The following SAMD3 variants were observed in gnomAD, a reference collection of about 807,000 sequenced individuals.
The protein encoded by SAMD3 is sterile alpha motif domain containing 3.
In SAMD3, 63 loss-of-function variants were observed where a neutral mutation model predicts 58.5. The observed-to-expected ratio is 1.08, with a 90% confidence interval of 0.88 to 1.33. The LOEUF (loss-of-function observed/expected upper bound fraction) is 1.33. Ranked by LOEUF, SAMD3 falls within the 40% of genes most tolerant of loss-of-function variation. The probability of loss-of-function intolerance (pLI) is 0.00; values close to 1 mark genes in which losing one functional copy is unlikely to be tolerated. For synonymous variants in SAMD3, 220 were observed against 210.3 expected, an observed-to-expected ratio of 1.05 and a Z score of -0.40; for missense variants, 604 against 608.4, an observed-to-expected ratio of 0.99 and a Z score of 0.08.
At chr6:130,195,177 C>A (rs546916467) in intron 5 of SAMD3, among the ~76,000 whole-genome samples, 1 of 152,110 alleles carries the variant, frequency 6.6e-6, no homozygotes, top group Non-Finnish European at 1.5e-5. Context: ...CTGCCCTTCT[C>A]CCCAACCCAA....
At chr6:130,177,584 T>C (rs1562400634) in intron 7 of SAMD3, among the ~76,000 whole-genome samples, 1 of 152,186 alleles carries the variant, frequency 6.6e-6, no homozygotes, top group African/African-American at 2.4e-5. Context: ...CATGGAAGTG[T>C]CCTCTGGCTT....
chr6:130,309,351 G>A (rs962895203), intron 2 of SAMD3, among the ~76,000 whole-genome samples: 3 of 152,122 alleles, frequency 2.0e-5, no homozygotes, highest in Non-Finnish European at 2.9e-5. Flanking sequence ...TGTAAAATGG[G>A]TATAATAATA....
intron 1 of SAMD3, among the ~76,000 whole-genome samples, chr6:130,343,026 G>C (rs1777319838): frequency 6.6e-6 from 1 of 151,806 alleles, no homozygotes; most frequent in South Asian, 2.1e-4. Flanking sequence ...CTTTTTGGAA[G>C]TTTAGAGTGA....
At chr6:130,265,783 T>C (rs1211663449) in intron 2 of SAMD3, among the ~76,000 whole-genome samples, 1 of 151,712 alleles carries the variant, frequency 6.6e-6, no homozygotes, top group East Asian at 1.9e-4. Context: ...AAAAAAGAGG[T>C]GCCCAAATGA....
chr6:130,178,342 C>T (rs9492475), intron 7 of SAMD3, among the ~76,000 whole-genome samples: 8,601 of 150,202 alleles, frequency 0.057, 261 homozygotes, highest in Non-Finnish European at 0.072. Context: ...GCTGCAATGC[C>T]GTGTGATTGA....
chr6:130,301,024 G>A (rs1367921945), intron 2 of SAMD3, among the ~76,000 whole-genome samples: 4 of 151,936 alleles, frequency 2.6e-5, no homozygotes, highest in African/African-American at 7.3e-5. Context: ...CTGTGTCCAC[G>A]TGTTCTCACT....
At chr6:130,364,813 C>A (rs1293742417) in intron 1 of SAMD3, among the ~76,000 whole-genome samples, 1 of 152,110 alleles carries the variant, frequency 6.6e-6, no homozygotes, top group Non-Finnish European at 1.5e-5. Context: ...TTTCTACAGT[C>A]TCTTCTCATT....
chr6:130,214,508 G>A lies in SAMD3; in HGVS notation c.98C>T (p.Ala33Val). 1.3e-6 allele frequency: 2 copies of A among 1,590,174 alleles called. No individual in the cohort carries two copies. The highest frequency in any genetic ancestry group is 1.7e-6 in the Non-Finnish European group (2 of 1,170,080). ...HRFQEEEVSG[A>V]ALLALNDRMV... ...CCGATCATTAAGTGCAAGAAGAGCG[G>A]CCCCACTTACTTCTTCCTCTGGGAA... Residue 33 changes from alanine to valine, a missense_variant, in exon 4 of 12, where the codon GCC becomes GTC. By Grantham distance (64) the Ala-to-Val change is moderately conservative. Coordinates refer to ENST00000439090, the MANE Select transcript of SAMD3 (RefSeq NM_001017373.4).
chr6:130,294,805 G>A (rs1014129250), intron 2 of SAMD3, among the ~76,000 whole-genome samples: 6 of 148,338 alleles, frequency 4.0e-5, no homozygotes, highest in Non-Finnish European at 8.9e-5. Context: ...GTCCAATCTT[G>A]CATACCTTGA....
chr6:130,169,981 ATGTT>A (rs1383394047), intron 8 of SAMD3, among the ~76,000 whole-genome samples: 1 of 146,756 alleles, frequency 6.8e-6, no homozygotes, highest in African/African-American at 2.7e-5. Context: ...TGAAAATCAA[ATGTT>A]TGAGAAAAGT....
chr6:130,210,703 G>A (rs1795465808), intron 4 of SAMD3, among the ~76,000 whole-genome samples: 2 of 151,898 alleles, frequency 1.3e-5, no homozygotes, highest in Admixed American at 6.6e-5. Flanking sequence ...AAATTAACCT[G>A]AAAAACTAAT....
In SAMD3 at chr6:130,184,336, T is replaced by A. The variant is rs770812312; in HGVS notation, c.569+102A>T. On this transcript the variant is annotated intron_variant, in intron 6 of 11. Transcript: ENST00000439090. ...TTGGGCAATTGGGACCTATTACCAA[T>A]ATATCATCCACAATCTGAAGAGAGT... 11 of 1,243,096 alleles carry A rather than the reference T, an allele frequency of 8.8e-6. No homozygotes were observed. The South Asian group carries it at 1.3e-4, about 15-fold the overall frequency. 77.0% of individuals were successfully genotyped at this position (1,243,096 alleles called of 1,614,324 possible). A position where few individuals can be genotyped will look rare whatever the true frequency, so the allele number is the denominator to read the frequency against.
At position 130,184,201 on chromosome 6, in the gene SAMD3, C is replaced by A; in HGVS notation, c.570-14G>T. ...GTGCTGGGGTACCTGTTCACCAAAACAAGGAGGATATGTTTCACTTCAAGC... is the reference window on the plus strand; with the variant it reads ...GTGCTGGGGTACCTGTTCACCAAAAAAAGGAGGATATGTTTCACTTCAAGC... On this transcript the variant is annotated splice_polypyrimidine_tract_variant and intron_variant, in intron 6 of 11. Transcript: ENST00000439090. 2 of 1,595,164 alleles carry A rather than the reference C, an allele frequency of 1.3e-6. No homozygotes were observed. Among genetic ancestry groups the A allele is most frequent in the South Asian group, 1.1e-5 (1 of 89,660 alleles).
intron 1 of SAMD3, among the ~76,000 whole-genome samples, chr6:130,318,188 G>T (rs1455517985): frequency 6.6e-6 from 1 of 152,040 alleles, no homozygotes; most frequent in African/African-American, 2.4e-5. Flanking sequence ...AATTCAGTGG[G>T]CATTTGAGTA....
Position 130,157,269 on chromosome 6 carries a change from GA to G in SAMD3, c.823-2245del, listed in dbSNP as rs529168953. ...CTTATAATATCCCTCTATGATTAAA[GA>G]AAAAAACTTTTGTCAAAATAAGAGA... On this transcript the variant is annotated intron_variant, in intron 8 of 11. Coordinates refer to ENST00000439090, the MANE Select transcript of SAMD3 (RefSeq NM_001017373.4). 1.6e-3 allele frequency among the ~76,000 whole-genome samples: 244 copies of G among 150,654 alleles called. 4 individuals carry two copies. The highest frequency in any genetic ancestry group is 4.6e-4 in the Admixed American group (7 of 15,196).
chr6:130,339,156 C>T (rs919600313), intron 1 of SAMD3, among the ~76,000 whole-genome samples: 1 of 152,154 alleles, frequency 6.6e-6, no homozygotes, highest in African/African-American at 2.4e-5. Context: ...ATGCCATTCT[C>T]CTGCCTCAGC....
At chr6:130,185,545 T>G (rs1397872832) in intron 5 of SAMD3, among the ~76,000 whole-genome samples, 1 of 151,724 alleles carries the variant, frequency 6.6e-6, no homozygotes, top group Non-Finnish European at 1.5e-5. Flanking sequence ...GCCAGGATGG[T>G]CTCAATCTCC....
At chr6:130,238,671 A>G (rs1773250016) in intron 2 of SAMD3, among the ~76,000 whole-genome samples, 1 of 152,238 alleles carries the variant, frequency 6.6e-6, no homozygotes, top group South Asian at 2.1e-4. Flanking sequence ...CCATATGGAC[A>G]TGGTAAACAC....
At chr6:130,264,546 C>A (rs1774267116) in intron 2 of SAMD3, among the ~76,000 whole-genome samples, 1 of 152,126 alleles carries the variant, frequency 6.6e-6, no homozygotes, top group Non-Finnish European at 1.5e-5. Context: ...ATTTCATCAA[C>A]CAGAGGTAGA....
Sources: gnomAD v4.1 joint callset for allele counts (sites outside exome capture counted in the v4.1 genomes callset) on GRCh38, gnomAD v4.1.1 for gene constraint, MANE v1.5 for transcripts, NCBI Gene and HGNC (gene_info 2026-07-23, HGNC 2026-07-21) for gene names.